HSPG2: variants seen among roughly 807,000 people sequenced by gnomAD.
HSPG2 encodes basement membrane-specific heparan sulfate proteoglycan core protein.
Under a neutral mutation model 526.6 loss-of-function variants are expected in HSPG2, and 278 were observed. The observed-to-expected ratio is 0.53, with a 90% CI of 0.48 to 0.58. The LOEUF (loss-of-function observed/expected upper bound fraction) is 0.58. Among genes scored for constraint, HSPG2 ranks in the 20% least tolerant of loss-of-function variants. HSPG2 has a pLI of 0.00. For synonymous variants in HSPG2, 2,465 were observed against 2,555.4 expected, an observed-to-expected ratio of 0.96 and a Z score of 1.07; for missense variants, 5,354 against 6,099.5, an observed-to-expected ratio of 0.88 and a Z score of 4.07.
intron 50 of HSPG2, chr1:21,853,932 C>T (rs1050801056): frequency 1.3e-5 from 7 of 519,150 alleles, no homozygotes. Flanking sequence ...GGTCAGCCGA[C>T]TCCCAGCTTA....
Position 21,848,763 on chromosome 1 carries a change from C to T in HSPG2, c.7617G>A (p.Glu2539=). ...CATTGGCCAGGGAGGCTGAGGAGGA[C>T]TCGATGCGGACGGGGTACGCCACAC... is the stretch of plus-strand genomic sequence containing the variant. The part of the protein sequence containing the change: ...SQGVAYPVRI[E]SSSASLANGH... The change falls in exon 59 of 97, where the codon GAG becomes GAA. Residue 2539 remains glutamate, a synonymous_variant. Transcript: ENST00000374695. This position sits in a 1 kb window ranked among gnomAD's most constrained non-coding sequence, Gnocchi z 4.9. The T allele has an allele frequency of 6.2e-7, 1 of 1,613,832 alleles. No individual in the cohort carries two copies. Among genetic ancestry groups the T allele is most frequent in the Non-Finnish European group, 8.5e-7 (1 of 1,179,980 alleles).
Position 21,839,602 on chromosome 1 carries a change from C to G in HSPG2, c.9710-52G>C, listed in dbSNP as rs371835387. On this transcript the variant is annotated intron_variant, in intron 72 of 96. Transcript: ENST00000374695. The surrounding 1 kb of genome is among the most constrained non-coding windows in gnomAD (Gnocchi z 4.5). ...AAGTCACTGGGCTACCTCAGGGACCCGCAGAGGGTGGCCATGGTGAGGAAG... is the reference window on the plus strand; with the variant it reads ...AAGTCACTGGGCTACCTCAGGGACCGGCAGAGGGTGGCCATGGTGAGGAAG... 3 of 1,597,590 alleles carry G rather than the reference C, an allele frequency of 1.9e-6. No individual in the cohort carries two copies. Among genetic ancestry groups the G allele is most frequent in the Non-Finnish European group, 1.7e-6 (2 of 1,169,678 alleles).
At chr1:21,843,804 G>A (rs2098059690) in intron 65 of HSPG2, among the ~76,000 whole-genome samples, 1 of 152,138 alleles carries the variant, frequency 6.6e-6, no homozygotes, top group Admixed American at 6.5e-5. Flanking sequence ...CTGCCACCAT[G>A]CCTGGCCAAT....
intron 1 of HSPG2, among the ~76,000 whole-genome samples, chr1:21,902,729 C>T (rs573322144): frequency 3.3e-5 from 5 of 152,340 alleles, no homozygotes; most frequent in East Asian, 1.9e-4. Flanking sequence ...CAGGGCTTCT[C>T]GGGAGCGCTG....
In HSPG2 at chr1:21,847,466, G is replaced by A; in HGVS notation, c.8052C>T (p.His2684=). 3 of 1,613,760 alleles carry A rather than the reference G, an allele frequency of 1.9e-6. No homozygotes were observed. Among genetic ancestry groups the A allele is most frequent in the Non-Finnish European group, 2.5e-6 (3 of 1,179,978 alleles). ...CGCCCGAGTCAGCCACAGACATTTG[G>A]TGCAACCGCAGGTGGGAGCCATGGG... The part of the protein sequence containing the change: ...HQTHGSHLRL[H]QMSVADSGEY... The change falls in exon 62 of 97, where the codon CAC becomes CAT. Residue 2684 remains histidine, a synonymous_variant. Transcript: ENST00000374695. This position sits in a 1 kb window ranked among gnomAD's most constrained non-coding sequence, Gnocchi z 4.1.
intron 1 of HSPG2, among the ~76,000 whole-genome samples, chr1:21,924,021 C>G (rs1644116815): frequency 6.6e-6 from 1 of 152,126 alleles, no homozygotes; most frequent in Non-Finnish European, 1.5e-5. Flanking sequence ...TACCCAAGAG[C>G]AGAGGTGAAC....
At chr1:21,856,221 T>C (rs1325873275) in intron 44 of HSPG2, among the ~76,000 whole-genome samples, 10 of 152,224 alleles carry the variant, frequency 6.6e-5, no homozygotes, top group Non-Finnish European at 1.5e-4. Context: ...TGGTCTCTGC[T>C]GTTCCTCAAA....
chr1:21,894,804 C>G lies in HSPG2; in HGVS notation c.244+1118G>C, dbSNP rs542984301. Among the ~76,000 whole-genome samples, 4 of 152,304 alleles carry G rather than the reference C, an allele frequency of 2.6e-5. No homozygotes were observed. In the South Asian group the frequency reaches 8.3e-4, roughly 32 times the overall value. ...TAGCATAGGCCATTCCAGGACGGGA[C>G]GTGCCATGTGTGCCTGGGGCCCACC... On this transcript the variant is annotated intron_variant, in intron 3 of 96. Transcript: ENST00000374695.
At chr1:21,879,200 T>G (rs1641322492) in intron 17 of HSPG2, 79 bp from the exon 18 acceptor site, 1 of 1,540,796 alleles carries the variant, frequency 6.5e-7, no homozygotes, top group African/African-American at 1.4e-5. Flanking sequence ...GGAGGCTGTC[T>G]AGCTCAGCCT....
chr1:21,892,393 G>A (rs1271122590), intron 3 of HSPG2, among the ~76,000 whole-genome samples: 1 of 152,274 alleles, frequency 6.6e-6, no homozygotes, highest in African/African-American at 2.4e-5. Flanking sequence ...CGCTCCTGGG[G>A]AAGGGGACTG....
rs76382135 is a variant in HSPG2 at position 21,834,377 on chromosome 1, C to T, written c.10720+302G>A. On this transcript the variant is annotated intron_variant, in intron 77 of 96. Transcript: ENST00000374695. ...ACTGGGTTATGTCTCTGCCCTCAGA[C>T]TATGCTGCAGGTCTCTCCCAGCAGA... Among the ~76,000 whole-genome samples, 7,705 of 152,306 alleles carry T rather than the reference C, an allele frequency of 0.051. 257 individuals are homozygous for T. Among genetic ancestry groups the T allele is most frequent in the South Asian group, 0.093 (447 of 4,822 alleles).
intron 91 of HSPG2, among the ~76,000 whole-genome samples, chr1:21,825,845 G>A (rs375798110): frequency 7.7e-4 from 116 of 151,408 alleles, no homozygotes; most frequent in Middle Eastern, 3.5e-3. Flanking sequence ...GAGTGCAGTG[G>A]CACAATCTTG....
chr1:21,878,818 A>C (rs1641292032), intron 18 of HSPG2, among the ~76,000 whole-genome samples, 155 bp from the exon 19 acceptor site: 1 of 152,202 alleles, frequency 6.6e-6, no homozygotes, highest in African/African-American at 2.4e-5. Flanking sequence ...GTAGGAAGTC[A>C]GGGGGCCCAT....
chr1:21,822,977 G>T lies in HSPG2; in HGVS notation c.*339C>A, dbSNP rs575761790. On this transcript the variant is annotated 3_prime_UTR_variant, in exon 97 of 97. Transcript: ENST00000374695. ...GAGTGAGAACTGCCCAAGGGCTGCAGAAACAGGCCACCCAGCTCTATCTGG... is the reference window on the plus strand; with the variant it reads ...GAGTGAGAACTGCCCAAGGGCTGCATAAACAGGCCACCCAGCTCTATCTGG... 4.0e-5 allele frequency: 9 copies of T among 227,618 alleles called. No individual in the cohort carries two copies. The East Asian group carries it at 8.2e-4, about 21-fold the overall frequency. 14.1% of individuals were successfully genotyped at this position (227,618 alleles called of 1,614,324 possible).
rs1265421902 is a variant in HSPG2, at chr1:21,898,567, T to C, written c.64-2257A>G. On this transcript the variant is annotated intron_variant, in intron 1 of 96. Coordinates refer to ENST00000374695, the MANE Select transcript of HSPG2 (RefSeq NM_005529.7). This position sits in a 1 kb window ranked among gnomAD's most constrained non-coding sequence, Gnocchi z 4.0. ...GTCTTAGTTGTGCATGTCCAGGGGA[T>C]TCCCACAGTCCCTGGTTAGAACCGT... Among the ~76,000 whole-genome samples the C allele has an allele frequency of 6.6e-6, 1 of 152,224 alleles. No individual in the cohort carries two copies. Among genetic ancestry groups the C allele is most frequent in the African/African-American group, 2.4e-5 (1 of 41,454 alleles).
chr1:21,881,461 G>C lies in HSPG2; in HGVS notation c.1696C>G (p.Leu566Val). 2 of 1,613,254 alleles carry C rather than the reference G, an allele frequency of 1.2e-6. No individual in the cohort carries two copies. The highest frequency in any genetic ancestry group is 1.7e-6 in the Non-Finnish European group (2 of 1,180,022). Residue 566 changes from leucine (L) to valine (V), a missense_variant, in exon 14 of 97, where the codon CTC becomes GTC. Leu to Val is a conservative substitution (Grantham distance 32, BLOSUM62 1). Transcript: ENST00000374695. ...TCGATCTGCAGCTGCGTGGAGGAGA[G>C]GGGTGGCGTGCCGGGCTGCGCAGGC... ...TMPAQPGTPPLSSTQLQIDPS... is the reference protein window; with the variant it reads ...TMPAQPGTPPVSSTQLQIDPS...
chr1:21,871,567 T>C (rs1470846881), intron 33 of HSPG2, among the ~76,000 whole-genome samples: 1 of 152,090 alleles, frequency 6.6e-6, no homozygotes, highest in African/African-American at 2.4e-5. Context: ...TGGCAGAGCA[T>C]TTGAAGGGCA....
chr1:21,846,332 C>T, intron 63 of HSPG2, 77 bp from the exon 64 acceptor site: 2 of 1,609,762 alleles, frequency 1.2e-6, no homozygotes, highest in Non-Finnish European at 1.7e-6. Flanking sequence ...CAGGGTCTAA[C>T]CTCTGACACA....
chr1:21,847,498 C>G lies in HSPG2; in HGVS notation c.8026-6G>C. 6.2e-7 allele frequency: 1 copy of G among 1,613,648 alleles called. No individual in the cohort carries two copies. The highest frequency in any genetic ancestry group is 8.5e-7 in the Non-Finnish European group (1 of 1,179,958). Reference sequence around the variant, plus strand: ...CGCAGGTGGGAGCCATGGGTCTGGACGTGCGGATGGGGAAGGAGAGGGAGA... The same window carrying G: ...CGCAGGTGGGAGCCATGGGTCTGGAGGTGCGGATGGGGAAGGAGAGGGAGA... On this transcript the variant is annotated splice_polypyrimidine_tract_variant and splice_region_variant and intron_variant, in intron 61 of 96. Coordinates refer to ENST00000374695, the MANE Select transcript of HSPG2 (RefSeq NM_005529.7). This position sits in a 1 kb window ranked among gnomAD's most constrained non-coding sequence, Gnocchi z 4.1.
Sources: gnomAD v4.1 joint callset for allele counts (sites outside exome capture counted in the v4.1 genomes callset) on GRCh38, gnomAD v4.1.1 for gene constraint, Gnocchi (gnomAD v3.1) non-coding constraint, MANE v1.5 for transcripts, NCBI Gene and HGNC (gene_info 2026-07-23, HGNC 2026-07-21) for gene names.